The following NATD1 variants were observed in gnomAD, a reference collection of about 807,000 sequenced individuals.
NATD1 encodes the protein protein NATD1.
Under a neutral mutation model 12.0 loss-of-function variants are expected in NATD1, and 9 were observed. That is an observed-to-expected ratio of 0.75 (90% CI 0.45 to 1.30). The LOEUF (loss-of-function observed/expected upper bound fraction) is 1.30. NATD1 is among the 50% of genes most tolerant of loss of function. NATD1 has a pLI of 0.00. For synonymous variants in NATD1, 71 were observed against 65.9 expected, an observed-to-expected ratio of 1.08 and a Z score of -0.37; for missense variants, 148 against 148.5, an observed-to-expected ratio of 1.00 and a Z score of 0.02.
rs572913367 is a variant in NATD1 at position 21,243,316 on chromosome 17, C to A, written c.339G>T (p.Pro113=). ...PLPQYLERLQ[P] The stretch of plus-strand genomic sequence containing the variant: ...CGCTCCCGCCTGCAGGCCAGGGTTA[C>A]GGCTGCAGGCGCTCCAGGTACTGCG... The change falls in exon 3 of 3, where the codon CCG becomes CCT. Residue 113 remains proline (P), a synonymous_variant. Transcript: ENST00000611551. 11 of 1,611,464 alleles carry A rather than the reference C, an allele frequency of 6.8e-6. No homozygotes were observed. Among genetic ancestry groups the A allele is most frequent in the Non-Finnish European group, 9.3e-6 (11 of 1,179,576 alleles).
At chr17:21,252,190 A>T (rs915772765) in intron 1 of NATD1, among the ~76,000 whole-genome samples, 2 of 152,128 alleles carry the variant, frequency 1.3e-5, no homozygotes, top group Non-Finnish European at 2.9e-5. Context: ...CTGTAATCCC[A>T]CCTACTCCTG....
intron 1 of NATD1, among the ~76,000 whole-genome samples, chr17:21,252,230 A>C (rs555857995): frequency 5.5e-4 from 83 of 151,878 alleles, no homozygotes; most frequent in Non-Finnish European, 9.9e-4. Context: ...ACTTGAACCC[A>C]GGAGGCAGAG....
At position 21,242,964 on chromosome 17, in the gene NATD1, AG is replaced by A. The variant is rs747988609; in HGVS notation, c.*348del. 1 of 203,994 alleles carries A rather than the reference AG, an allele frequency of 4.9e-6. No individual in the cohort carries two copies. Among genetic ancestry groups the A allele is most frequent in the Non-Finnish European group, 9.9e-6 (1 of 100,924 alleles). The allele number at this position is 203,994 out of a possible 1,614,324, so 12.6% of individuals were successfully genotyped here. On this transcript the variant is annotated 3_prime_UTR_variant, in exon 3 of 3. Transcript: ENST00000611551. ...ACACAGGCCCAGGAGAGGTGGCAGC[AG>A]GGGTCCCACACTGGCCCTCCTGCTG... is the stretch of plus-strand genomic sequence containing the variant.
chr17:21,247,687 G>C (rs761801107), intron 1 of NATD1, among the ~76,000 whole-genome samples: 19 of 152,206 alleles, frequency 1.2e-4, no homozygotes, highest in Admixed American at 7.2e-4. Flanking sequence ...TGGCTCCCAA[G>C]TGACAAGTCC....
Position 21,243,117 on chromosome 17 carries a change from C to A in NATD1, c.*196G>T. ...GTGCCGGGACTACCTGGCCTCCTTG[C>A]CGCCTCGGTTACCGGGTCACCGCCC... On this transcript the variant is annotated 3_prime_UTR_variant, in exon 3 of 3. Coordinates refer to ENST00000611551, the MANE Select transcript of NATD1 (RefSeq NM_152914.3). 2 of 541,824 alleles carry A rather than the reference C, an allele frequency of 3.7e-6. No individual in the cohort carries two copies. The highest frequency in any genetic ancestry group is 6.0e-5 in the East Asian group (2 of 33,296). The allele number at this position is 541,824 out of a possible 1,614,324, so 33.6% of individuals were successfully genotyped here. A position where few individuals can be genotyped will look rare whatever the true frequency, so the allele number is the denominator to read the frequency against.
At chr17:21,248,500 G>C (rs548565805) in intron 1 of NATD1, among the ~76,000 whole-genome samples, 37 of 152,040 alleles carry the variant, frequency 2.4e-4, no homozygotes, top group African/African-American at 8.9e-4. Flanking sequence ...CAGGGCCTCC[G>C]GGGACCCTTC....
rs1233612176 is a variant in NATD1, at chr17:21,244,383, G to A, written c.107-159C>T. On this transcript the variant is annotated intron_variant, in intron 1 of 2. Coordinates refer to ENST00000611551, the MANE Select transcript of NATD1 (RefSeq NM_152914.3). The surrounding 1 kb of genome is among the most constrained non-coding windows in gnomAD (Gnocchi z 5.2). ...TCAGTCTCCTCATCCATAAAGTGGA[G>A]GTACAATAAAATGTCCTTCATAGGG... Among the ~76,000 whole-genome samples the A allele has an allele frequency of 3.9e-5, 6 of 152,140 alleles. No individual in the cohort carries two copies. The highest frequency in any genetic ancestry group is 6.5e-5 in the Admixed American group (1 of 15,270).
At chr17:21,251,486 G>A (rs557800196) in intron 1 of NATD1, among the ~76,000 whole-genome samples, 1 of 152,276 alleles carries the variant, frequency 6.6e-6, no homozygotes. Context: ...CAGCACCACA[G>A]CAGTAGCAGG....
intron 1 of NATD1, among the ~76,000 whole-genome samples, chr17:21,250,538 T>C (rs1817600445): frequency 6.6e-6 from 1 of 152,188 alleles, no homozygotes; most frequent in Non-Finnish European, 1.5e-5. Context: ...GCTTGGTACA[T>C]GGTAGGTGCT....
chr17:21,252,582 C>A (rs1975387342), intron 1 of NATD1, among the ~76,000 whole-genome samples: 1 of 152,120 alleles, frequency 6.6e-6, no homozygotes. Context: ...AGCCATCCCC[C>A]CGCCCCTCAC....
rs1341231286 is a variant in NATD1 at position 21,244,380 on chromosome 17, G to A, written c.107-156C>T. Among the ~76,000 whole-genome samples the A allele has an allele frequency of 2.6e-5, 4 of 152,158 alleles. No homozygotes were observed. Among genetic ancestry groups the A allele is most frequent in the Non-Finnish European group, 5.9e-5 (4 of 68,030 alleles). On this transcript the variant is annotated intron_variant, in intron 1 of 2. Transcript: ENST00000611551. The surrounding 1 kb of genome is among the most constrained non-coding windows in gnomAD (Gnocchi z 5.2). ...GCCTCAGTCTCCTCATCCATAAAGT[G>A]GAGGTACAATAAAATGTCCTTCATA...
intron 1 of NATD1, among the ~76,000 whole-genome samples, chr17:21,252,635 G>A (rs1361739279): frequency 6.6e-6 from 1 of 151,958 alleles, no homozygotes; most frequent in African/African-American, 2.4e-5. Flanking sequence ...TCAGCCCCAG[G>A]TCCGCAGGCC....
In NATD1 at chr17:21,240,096, C is replaced by T. The variant is rs535407021; in HGVS notation, c.*3217G>A. On this transcript the variant is annotated 3_prime_UTR_variant, in exon 3 of 3. Transcript: ENST00000611551. ...GATCTCATGCATGGCATCACTGCCC[C>T]TTCCCTAGGAGACCGCACAAAGCCA... 6.6e-6 allele frequency: 1 copy of T among 152,304 alleles called. No homozygotes were observed. Among genetic ancestry groups the T allele is most frequent in the Admixed American group, 6.5e-5 (1 of 15,288 alleles). The allele number at this position is 152,304 out of a possible 1,614,324, so 9.4% of individuals were successfully genotyped here. A position where few individuals can be genotyped will look rare whatever the true frequency, so the allele number is the denominator to read the frequency against.
chr17:21,248,785 G>A (rs1975350224), intron 1 of NATD1, among the ~76,000 whole-genome samples: 2 of 152,308 alleles, frequency 1.3e-5, no homozygotes, highest in South Asian at 4.1e-4. Context: ...GGGAGCCACA[G>A]GAGCAAGCCT....
chr17:21,250,228 A>C (rs1203857728), intron 1 of NATD1, among the ~76,000 whole-genome samples: 4 of 152,158 alleles, frequency 2.6e-5, no homozygotes. Context: ...TGCACACACA[A>C]GGCATCGCAG....
Position 21,251,293 on chromosome 17 carries a change from G to GAAAA in NATD1, c.106+1862_106+1865dup, listed in dbSNP as rs923554742. 8.2e-5 allele frequency among the ~76,000 whole-genome samples: 7 copies of GAAAA among 85,536 alleles called. 1 individual carries two copies. Among genetic ancestry groups the GAAAA allele is most frequent in the Non-Finnish European group, 1.2e-4 (5 of 41,652 alleles). The allele number at this position is 85,536 out of a possible 152,430, so 56.1% of individuals were successfully genotyped here. On this transcript the variant is annotated intron_variant, in intron 1 of 2. Transcript: ENST00000611551. ...TACCCACTTGGAAGAGAAAGAAAAA[G>GAAAA]AAAAAAAAAAAAAAAAAACAAACGT...
chr17:21,246,978 C>T (rs1237500680), intron 1 of NATD1, among the ~76,000 whole-genome samples: 1 of 152,178 alleles, frequency 6.6e-6, no homozygotes, highest in Non-Finnish European at 1.5e-5. Flanking sequence ...CCAGACCACA[C>T]AGGGCCCTGC....
chr17:21,243,881 G>A (rs939841796), intron 2 of NATD1, among the ~76,000 whole-genome samples: 6 of 152,186 alleles, frequency 3.9e-5, no homozygotes, highest in African/African-American at 1.4e-4. Context: ...TGGGGCTCCT[G>A]TGAAGCACCT....
At position 21,241,438 on chromosome 17, in the gene NATD1, G is replaced by A. The variant is rs1975271998; in HGVS notation, c.*1875C>T. On this transcript the variant is annotated 3_prime_UTR_variant, in exon 3 of 3. Transcript: ENST00000611551. ...CCTGGGACAGTAAGGGGAAGGCCCA[G>A]GCCTGGCTGCCCATCCTCTGTGCCT... The A allele has an allele frequency of 6.6e-6, 1 of 152,586 alleles. No individual in the cohort carries two copies. The highest frequency in any genetic ancestry group is 2.4e-5 in the African/African-American group (1 of 41,460). The allele number at this position is 152,586 out of a possible 1,614,324, so 9.5% of individuals were successfully genotyped here.
Sources: allele counts gnomAD v4.1 joint callset (sites outside exome capture counted in the v4.1 genomes callset), GRCh38; gene constraint gnomAD v4.1.1; non-coding constraint Gnocchi (gnomAD v3.1); transcripts MANE v1.5; gene names NCBI Gene and HGNC (gene_info 2026-07-23, HGNC 2026-07-21).